The following LHB variants were observed in gnomAD, a reference collection of about 807,000 sequenced individuals.
The protein encoded by LHB is lutropin subunit beta.
In LHB, 11 loss-of-function variants were observed where a neutral mutation model predicts 10.6. The ratio of observed to expected loss-of-function variants is 1.04; its 90% confidence interval spans 0.66 to 1.72. The LOEUF (loss-of-function observed/expected upper bound fraction) is 1.72, where lower values mean the gene tolerates loss of function less well. LHB is among the 40% of genes most tolerant of loss of function. The probability of loss-of-function intolerance (pLI) is 0.00; values close to 1 mark genes in which losing one functional copy is unlikely to be tolerated. For missense variants in LHB, 184 were observed against 197.3 expected (o/e 0.93, Z 0.41); for synonymous variants, 86 against 83.1 (o/e 1.03, Z -0.19).
upstream of LHB, chr19:49,018,364 G>A (rs1379992205): frequency 1.3e-5 from 16 of 1,212,990 alleles, no homozygotes; most frequent in Non-Finnish European, 1.5e-5. Flanking sequence ...GCGGGATGGT[G>A]AGGATACAGC....
intron 1 of LHB, 112 bp downstream of exon 1, chr19:49,016,955 C>G: frequency 6.2e-7 from 1 of 1,609,668 alleles, no homozygotes; most frequent in Non-Finnish European, 8.5e-7. Flanking sequence ...TACTGGGGGT[C>G]ATGCCCCTCC....
chr19:49,017,505 G>C (rs759502063), upstream of LHB: 2 of 1,134,686 alleles, frequency 1.8e-6, no homozygotes, highest in Non-Finnish European at 2.2e-6. Context: ...CTAACAGGAG[G>C]GGCGCTGCTT....
chr19:49,016,470 C>T, intron 2 of LHB, 77 bp downstream of exon 2: 6 of 1,603,874 alleles, frequency 3.7e-6, no homozygotes, highest in Non-Finnish European at 4.2e-6. Context: ...GAGAGGCAGA[C>T]CACCCTTCCT....
chr19:49,018,650 A>G (rs1392656919), upstream of LHB, among the ~76,000 whole-genome samples: 1 of 151,980 alleles, frequency 6.6e-6, no homozygotes, highest in Non-Finnish European at 1.5e-5. Flanking sequence ...GCCGCTGTGC[A>G]GGCTTCCTGT....
At chr19:49,018,708 A>T (rs1396279654), upstream of LHB, among the ~76,000 whole-genome samples, 8 of 141,440 alleles carry the variant, frequency 5.7e-5, no homozygotes, top group East Asian at 1.6e-3. Context: ...CTGGGTGCTT[A>T]AAAAAAAAAG....
upstream of LHB, chr19:49,018,990 G>C (rs1239940389): frequency 6.5e-7 from 1 of 1,533,004 alleles, no homozygotes; most frequent in African/African-American, 1.4e-5. Context: ...CTTCGTCCAG[G>C]CAATTAGAGC....
upstream of LHB, among the ~76,000 whole-genome samples, chr19:49,018,688 C>G (rs570368168): frequency 1.4e-4 from 21 of 151,846 alleles, no homozygotes; most frequent in African/African-American, 5.1e-4. Context: ...AGAGGTGACA[C>G]TAAGGACTCC....
rs147534521 is a variant in LHB at position 49,016,783 on chromosome 19, G to A, written c.16-69C>T. On this transcript the variant is annotated intron_variant, in intron 1 of 2. Coordinates refer to ENST00000649238, the MANE Select transcript of LHB (RefSeq NM_000894.3). ...CCGAGTCCTGGCCTTCCCATCCCGC[G>A]TGGTACACCACCCACAAAGACCCAG... 1.9e-3 allele frequency: 3,053 copies of A among 1,601,114 alleles called. 46 individuals carry two copies. The African/African-American group carries it at 0.032, about 17-fold the overall frequency.
In LHB at chr19:49,016,145, T is replaced by G; in HGVS notation, c.349A>C (p.Thr117Pro). 6.2e-7 allele frequency: 1 copy of G among 1,612,578 alleles called. No homozygotes were observed. Among genetic ancestry groups the G allele is most frequent in the Non-Finnish European group, 8.5e-7 (1 of 1,179,974 alleles). Residue 117 changes from threonine to proline, a missense_variant, in exon 3 of 3, where the codon ACC becomes CCC. By Grantham distance (38) the Thr-to-Pro change is conservative. Coordinates refer to ENST00000649238, the MANE Select transcript of LHB (RefSeq NM_000894.3). The stretch of plus-strand genomic sequence containing the variant: ...TCTTTGGGACCCCCACAGTCAGAGG[T>G]GCTGCGGCGGCAGGGTCCACAGCGA... ...SCRCGPCRRS[T>P]SDCGGPKDHP...
In LHB at chr19:49,016,014, G is replaced by A. The variant is rs141729250; in HGVS notation, c.*54C>T. On this transcript the variant is annotated 3_prime_UTR_variant, in exon 3 of 3. Transcript: ENST00000649238. ...AGAAGCCTTTATTGTGGGAGGATCG[G>A]GGTGTCAGGGCTCCAGGAGTCGGGA... The A allele has an allele frequency of 9.4e-5, 152 of 1,614,112 alleles. No individual in the cohort carries two copies. The highest frequency in any genetic ancestry group is 1.2e-4 in the Non-Finnish European group (142 of 1,180,052).
chr19:49,017,732 G>T (rs918439495), upstream of LHB: 2 of 454,704 alleles, frequency 4.4e-6, no homozygotes, highest in Admixed American at 4.3e-5. Context: ...CGCCCGCAGG[G>T]TGCGTGTCTT....
At chr19:49,019,384 A>AC, upstream of LHB, 1 of 1,243,078 alleles carries the variant, frequency 8.0e-7, no homozygotes, top group Non-Finnish European at 1.0e-6. Flanking sequence ...CTCCCACCTG[A>AC]CCCCGTCTCA....
Position 49,016,681 on chromosome 19 carries a change from C to T in LHB, c.49G>A (p.Gly17Arg), listed in dbSNP as rs773348844. ...LLLLLLLSMG[G>R]AWASREPLRP... ...AGCGGCTCCCTGGATGCCCATGCCC[C>T]GCCCATGCTCAGCAGCAGCAACAGC... is the stretch of plus-strand genomic sequence containing the variant. Residue 17 changes from glycine (G) to arginine (R), a missense_variant, in exon 2 of 3, where the codon GGG becomes AGG. Transcript: ENST00000649238. 1.6e-5 allele frequency: 25 copies of T among 1,611,742 alleles called. 1 individual carries two copies. In the Admixed American group the frequency reaches 1.8e-4, roughly 12 times the overall value.
In LHB at chr19:49,017,087, G is replaced by T. The variant is rs753142919; in HGVS notation, c.-6C>A. On this transcript the variant is annotated 5_prime_UTR_variant, in exon 1 of 3. Transcript: ENST00000649238. ...CTTACCTGGAGCATCTCCATCCTTG[G>T]TGCATCCCCTGCCTCGTGTATCTGG... 3 of 1,613,924 alleles carry T rather than the reference G, an allele frequency of 1.9e-6. No homozygotes were observed. Among genetic ancestry groups the T allele is most frequent in the Non-Finnish European group, 2.5e-6 (3 of 1,179,834 alleles).
At chr19:49,017,498 A>C (rs865961518), upstream of LHB, 26 of 1,130,964 alleles carry the variant, frequency 2.3e-5, no homozygotes, top group African/African-American at 4.8e-5. Flanking sequence ...GTCCAACCTA[A>C]CAGGAGGGGC....
intron 2 of LHB, 107 bp downstream of exon 2, chr19:49,016,440 C>T (rs2039554884): frequency 1.2e-6 from 2 of 1,601,420 alleles, no homozygotes; most frequent in Non-Finnish European, 1.7e-6. Flanking sequence ...TCCCACACCC[C>T]ATTCCCCAAC....
intron 1 of LHB, 72 bp downstream of exon 1, chr19:49,016,995 G>C: frequency 1.2e-5 from 19 of 1,612,528 alleles, no homozygotes; most frequent in Non-Finnish European, 1.4e-5. Context: ...CAGCTCACAC[G>C]GGTCTGCCCC....
Position 49,016,317 on chromosome 19 carries a change from GC to G in LHB, c.184-8del, listed in dbSNP as rs1398938789. ...CCGCCTGCAGCACGCGCATCTGGAG[GC>G]CGTGTGAGTGGGGGAATGAGCATGT... On this transcript the variant is annotated splice_region_variant and splice_polypyrimidine_tract_variant and intron_variant, in intron 2 of 2. Transcript: ENST00000649238. 2.5e-6 allele frequency: 4 copies of G among 1,610,154 alleles called. No homozygotes were observed. The highest frequency in any genetic ancestry group is 3.4e-6 in the Non-Finnish European group (4 of 1,179,732).
At chr19:49,017,216 CA>C, upstream of LHB, 1 of 1,450,532 alleles carries the variant, frequency 6.9e-7, no homozygotes, top group South Asian at 1.1e-5. Context: ...TGCACATGGC[CA>C]GGGAGGCGCA....
Sources: gnomAD v4.1 joint callset for allele counts (sites outside exome capture counted in the v4.1 genomes callset) on GRCh38, gnomAD v4.1.1 for gene constraint, MANE v1.5 for transcripts, NCBI Gene and HGNC (gene_info 2026-07-23, HGNC 2026-07-21) for gene names.